GPR63: variants seen among roughly 807,000 people sequenced by gnomAD.
The protein encoded by GPR63 is probable G protein-coupled receptor 63.
GPR63 carries 12 observed loss-of-function variants against 23.1 expected under a neutral mutation model. That is an observed-to-expected ratio of 0.52 (90% CI 0.33 to 0.84). The LOEUF is 0.84. Ranked by LOEUF, GPR63 falls within the 40% of genes least tolerant of loss-of-function variation. GPR63 has a pLI of 0.02. For synonymous variants in GPR63, 172 were observed against 191.1 expected (o/e 0.90, Z 0.82); for missense variants, 472 against 515.6 (o/e 0.92, Z 0.82).
intron 1 of GPR63, among the ~76,000 whole-genome samples, chr6:96,816,291 A>G (rs1376052727): frequency 6.6e-6 from 1 of 152,224 alleles, no homozygotes; most frequent in African/African-American, 2.4e-5. Flanking sequence ...AGGTTTAAAC[A>G]AGATGAAAAT....
chr6:96,836,805 G>T (rs1052272476), intron 1 of GPR63, among the ~76,000 whole-genome samples: 1 of 152,044 alleles, frequency 6.6e-6, no homozygotes, highest in Non-Finnish European at 1.5e-5. Context: ...TTTCGCTCTC[G>T]CAAACAAGGT....
At chr6:96,825,985 T>C (rs1451770273) in intron 1 of GPR63, among the ~76,000 whole-genome samples, 2 of 151,982 alleles carry the variant, frequency 1.3e-5, no homozygotes. Flanking sequence ...TTGAGGATGT[T>C]ATAAAAACTA....
chr6:96,801,695 T>G (rs893798170), intron 1 of GPR63, among the ~76,000 whole-genome samples: 1 of 152,240 alleles, frequency 6.6e-6, no homozygotes, highest in African/African-American at 2.4e-5. Flanking sequence ...TCCTGATCTA[T>G]TCATTCAAAA....
intron 1 of GPR63, among the ~76,000 whole-genome samples, chr6:96,828,325 C>G (rs1044575131): frequency 2.0e-5 from 3 of 151,868 alleles, no homozygotes; most frequent in African/African-American, 4.8e-5. Context: ...AGGGCCCTAC[C>G]CTTATAGTCT....
intron 1 of GPR63, among the ~76,000 whole-genome samples, chr6:96,806,843 G>T (rs1385520267): frequency 6.6e-6 from 1 of 152,188 alleles, no homozygotes; most frequent in Non-Finnish European, 1.5e-5. Context: ...TGACCTCACT[G>T]AGAGGAGTTT....
chr6:96,804,332 G>A (rs1773844634), intron 1 of GPR63, among the ~76,000 whole-genome samples: 1 of 152,142 alleles, frequency 6.6e-6, no homozygotes, highest in Non-Finnish European at 1.5e-5. Context: ...GACCTCCCAA[G>A]CTCAAGTGAT....
intron 1 of GPR63, among the ~76,000 whole-genome samples, chr6:96,800,279 T>G (rs1043060853): frequency 1.3e-5 from 2 of 152,184 alleles, no homozygotes; most frequent in African/African-American, 2.4e-5. Context: ...GAGCACTATT[T>G]TTTTTTAATT....
At chr6:96,833,143 A>G (rs1203800758) in intron 1 of GPR63, among the ~76,000 whole-genome samples, 2 of 152,170 alleles carry the variant, frequency 1.3e-5, no homozygotes, top group African/African-American at 4.8e-5. Flanking sequence ...GGGGAAATGG[A>G]GTAAGTTACA....
chr6:96,820,494 T>C (rs762539792), intron 1 of GPR63, among the ~76,000 whole-genome samples: 2 of 152,208 alleles, frequency 1.3e-5, no homozygotes, highest in Non-Finnish European at 2.9e-5. Flanking sequence ...CCATATTTCC[T>C]GCAATTACTT....
rs948939982 is a variant in GPR63 at position 96,794,302 on chromosome 6, G to A, written c.*4170C>T. ...AAATAAATTAATTTTAATTACAAAG[G>A]TCTAGTACCAATAGATATCTAAGAA... On this transcript the variant is annotated 3_prime_UTR_variant, in exon 2 of 2. Transcript: ENST00000229955. 1 of 151,870 alleles carries A rather than the reference G, an allele frequency of 6.6e-6. No homozygotes were observed. The highest frequency in any genetic ancestry group is 2.4e-5 in the African/African-American group (1 of 41,364). 9.4% of individuals were successfully genotyped at this position (151,870 alleles called of 1,614,324 possible). A position where few individuals can be genotyped will look rare whatever the true frequency, so the allele number is the denominator to read the frequency against.
chr6:96,833,723 C>G (rs2127963071), intron 1 of GPR63, among the ~76,000 whole-genome samples: 1 of 152,234 alleles, frequency 6.6e-6, no homozygotes, highest in African/African-American at 2.4e-5. Flanking sequence ...TATAATAACA[C>G]ATAAAGGTTT....
At chr6:96,835,242 A>G (rs912146345) in intron 1 of GPR63, among the ~76,000 whole-genome samples, 1 of 152,168 alleles carries the variant, frequency 6.6e-6, no homozygotes, top group African/African-American at 2.4e-5. Context: ...AACTATTTTT[A>G]GCTGATATTT....
intron 1 of GPR63, among the ~76,000 whole-genome samples, chr6:96,818,565 G>A (rs1043864185): frequency 2.0e-5 from 3 of 152,136 alleles, no homozygotes; most frequent in Non-Finnish European, 2.9e-5. Context: ...ATAGAATGCT[G>A]TACAGCAACT....
rs1773632807 is a variant in GPR63 at position 96,797,890 on chromosome 6, T to C, written c.*582A>G. 1 of 152,408 alleles carries C rather than the reference T, an allele frequency of 6.6e-6. No homozygotes were observed. Among genetic ancestry groups the C allele is most frequent in the Non-Finnish European group, 1.5e-5 (1 of 68,186 alleles). 9.4% of individuals were successfully genotyped at this position (152,408 alleles called of 1,614,324 possible). A position where few individuals can be genotyped will look rare whatever the true frequency, so the allele number is the denominator to read the frequency against. On this transcript the variant is annotated 3_prime_UTR_variant, in exon 2 of 2. Transcript: ENST00000229955. ...GATAATGCACATTTCCTAAAGCACA[T>C]ATCATGTATAAAAACAATTCTGAAA...
At chr6:96,816,627 G>A (rs1451931216) in intron 1 of GPR63, among the ~76,000 whole-genome samples, 2 of 152,206 alleles carry the variant, frequency 1.3e-5, no homozygotes, top group Non-Finnish European at 2.9e-5. Flanking sequence ...GAAGGCATGA[G>A]CTAATTCTGA....
chr6:96,819,845 G>T (rs553291648), intron 1 of GPR63, among the ~76,000 whole-genome samples: 2 of 151,068 alleles, frequency 1.3e-5, no homozygotes, highest in Admixed American at 1.3e-4. Context: ...GCGTGGTGGC[G>T]GGCGCCTGTA....
At chr6:96,801,724 C>T (rs1007647528) in intron 1 of GPR63, among the ~76,000 whole-genome samples, 3 of 152,144 alleles carry the variant, frequency 2.0e-5, no homozygotes. Flanking sequence ...TTACTACTTG[C>T]GTTCACTTCT....
rs138577412 is a variant in GPR63, at chr6:96,830,194, G to C, written c.-151+7074C>G. ...CTAGGTGTATTTCTTAACTTTAGTA[G>C]TAAGTCCATGAGTATTCAATTTTTT... On this transcript the variant is annotated intron_variant, in intron 1 of 1. Transcript: ENST00000229955. Among the ~76,000 whole-genome samples, 398 of 152,250 alleles carry C rather than the reference G, an allele frequency of 2.6e-3. 1 individual carries two copies. Among genetic ancestry groups the C allele is most frequent in the Non-Finnish European group, 4.2e-3 (285 of 68,006 alleles).
intron 1 of GPR63, among the ~76,000 whole-genome samples, chr6:96,814,620 A>T (rs1774118789): frequency 6.6e-6 from 1 of 152,182 alleles, no homozygotes; most frequent in South Asian, 2.1e-4. Context: ...GCTGCTTCTC[A>T]CATAACCTAC....
Sources: allele counts gnomAD v4.1 joint callset (sites outside exome capture counted in the v4.1 genomes callset), GRCh38; gene constraint gnomAD v4.1.1; transcripts MANE v1.5; gene names NCBI Gene and HGNC (gene_info 2026-07-23, HGNC 2026-07-21).